LIMD1: variants seen among roughly 807,000 people sequenced by gnomAD.
LIMD1 encodes LIM domain containing 1.
A neutral mutation model predicts 58.4 loss-of-function variants in LIMD1; 23 were observed. The observed-to-expected ratio is 0.39, with a 90% confidence interval of 0.28 to 0.56. The LOEUF (loss-of-function observed/expected upper bound fraction) is 0.56. Ranked by LOEUF, LIMD1 falls within the 20% of genes least tolerant of loss-of-function variation. LIMD1 has a pLI of 0.57. For missense variants in LIMD1, 838 were observed against 855.5 expected, an observed-to-expected ratio of 0.98 and a Z score of 0.25; for synonymous variants, 334 against 345.5, an observed-to-expected ratio of 0.97 and a Z score of 0.37.
intron 2 of LIMD1, among the ~76,000 whole-genome samples, chr3:45,641,256 C>A (rs1701839458): frequency 6.6e-6 from 1 of 152,168 alleles, no homozygotes; most frequent in Admixed American, 6.5e-5. Context: ...CCTCTTGAAT[C>A]TATGCTCACC....
At chr3:45,617,248 T>C (rs1389145875) in intron 1 of LIMD1, among the ~76,000 whole-genome samples, 2 of 151,636 alleles carry the variant, frequency 1.3e-5, no homozygotes, top group Admixed American at 1.3e-4. Context: ...GGTTTCACCA[T>C]GTTGGCCAGG....
chr3:45,644,600 A>G (rs774450087), intron 2 of LIMD1, among the ~76,000 whole-genome samples: 6 of 152,214 alleles, frequency 3.9e-5, no homozygotes, highest in Non-Finnish European at 7.3e-5. Context: ...TAAGATGTAC[A>G]GATTGAGGCT....
intron 2 of LIMD1, among the ~76,000 whole-genome samples, chr3:45,652,127 A>G (rs538502543): frequency 8.1e-4 from 123 of 151,940 alleles, no homozygotes; most frequent in Middle Eastern, 6.9e-3. Flanking sequence ...GAGTTTTACT[A>G]TGTTGGCCAG....
At chr3:45,612,548 C>T (rs1249219773) in intron 1 of LIMD1, among the ~76,000 whole-genome samples, 1 of 152,154 alleles carries the variant, frequency 6.6e-6, no homozygotes, top group Non-Finnish European at 1.5e-5. Context: ...TTTCAAAATG[C>T]TGTATTTGCA....
chr3:45,633,387 GTC>G (rs563141210), intron 1 of LIMD1, among the ~76,000 whole-genome samples: 147 of 152,224 alleles, frequency 9.7e-4, no homozygotes, highest in African/African-American at 3.4e-3. Context: ...CACTTTTTGT[GTC>G]TGTTTGTGAA....
At chr3:45,663,060 G>T (rs1274466586) in intron 2 of LIMD1, among the ~76,000 whole-genome samples, 1 of 151,708 alleles carries the variant, frequency 6.6e-6, no homozygotes, top group Non-Finnish European at 1.5e-5. Flanking sequence ...TACGATCATT[G>T]GTATATCTTC....
intron 1 of LIMD1, among the ~76,000 whole-genome samples, chr3:45,606,855 C>T (rs1701472405): frequency 6.6e-6 from 1 of 152,180 alleles, no homozygotes; most frequent in Non-Finnish European, 1.5e-5. Context: ...AGTGCAGTGG[C>T]AATATCTCAG....
At chr3:45,619,601 C>T (rs891794467) in intron 1 of LIMD1, among the ~76,000 whole-genome samples, 6 of 152,076 alleles carry the variant, frequency 3.9e-5, no homozygotes, top group African/African-American at 1.4e-4. Flanking sequence ...GAGTCTGAGA[C>T]CAGCCTGGCC....
intron 2 of LIMD1, among the ~76,000 whole-genome samples, chr3:45,660,280 C>T (rs1042261425): frequency 6.6e-6 from 1 of 151,892 alleles, no homozygotes; most frequent in Admixed American, 6.6e-5. Flanking sequence ...GTTTACCCTG[C>T]GGGAATTCCG....
chr3:45,650,528 C>T (rs1401534346), intron 2 of LIMD1, among the ~76,000 whole-genome samples: 1 of 144,756 alleles, frequency 6.9e-6, no homozygotes, highest in African/African-American at 2.6e-5. Flanking sequence ...GTGATGTCCC[C>T]TCCCTGTGTC....
intron 6 of LIMD1, 143 bp from the exon 7 acceptor site, chr3:45,674,200 G>A: frequency 1.7e-6 from 1 of 603,982 alleles, no homozygotes; most frequent in Non-Finnish European, 3.1e-6. Flanking sequence ...CTTCCAGTAA[G>A]TACTCCTGAT....
At chr3:45,639,487 G>C (rs1701820850) in intron 2 of LIMD1, among the ~76,000 whole-genome samples, 1 of 152,116 alleles carries the variant, frequency 6.6e-6, no homozygotes, top group African/African-American at 2.4e-5. Context: ...CCAAGATCAA[G>C]GTGCTGGCAG....
intron 1 of LIMD1, chr3:45,632,497 A>G (rs9865354): frequency 0.09 from 88,290 of 984,356 alleles, 4,202 homozygotes; most frequent in East Asian, 0.15. Context: ...TGGGCCTTGG[A>G]ATGAAGTGCT....
chr3:45,652,013 G>A lies in LIMD1; in HGVS notation c.1511-13637G>A, dbSNP rs139902793. ...GTGATCTCGGCTCACTGCAACCTCC[G>A]CCTCCCAGGTTCCAGCGATTCTCAC... On this transcript the variant is annotated intron_variant, in intron 2 of 7. Coordinates refer to ENST00000273317, the MANE Select transcript of LIMD1 (RefSeq NM_014240.3). Among the ~76,000 whole-genome samples the A allele has an allele frequency of 5.9e-3, 878 of 149,448 alleles. 7 individuals are homozygous for A. The highest frequency in any genetic ancestry group is 0.02 in the African/African-American group (821 of 40,494).
At chr3:45,597,074 A>G (rs1267540420) in intron 1 of LIMD1, among the ~76,000 whole-genome samples, 1 of 151,456 alleles carries the variant, frequency 6.6e-6, no homozygotes, top group East Asian at 1.9e-4. Context: ...GCTAGCCAGG[A>G]TGTTCTCAAT....
At chr3:45,627,993 G>A (rs889135987) in intron 1 of LIMD1, among the ~76,000 whole-genome samples, 3 of 121,292 alleles carry the variant, frequency 2.5e-5, no homozygotes, top group Admixed American at 9.0e-5. Flanking sequence ...GGGTGACAGA[G>A]TGAGACCCCA....
At chr3:45,657,757 C>T (rs9850601) in intron 2 of LIMD1, among the ~76,000 whole-genome samples, 3,507 of 152,170 alleles carry the variant, frequency 0.023, 136 homozygotes, top group African/African-American at 0.078. Context: ...GAAATGAAAA[C>T]GATAATGTGT....
At chr3:45,597,106 C>T (rs1001584721) in intron 1 of LIMD1, among the ~76,000 whole-genome samples, 1 of 152,090 alleles carries the variant, frequency 6.6e-6, no homozygotes, top group Admixed American at 6.5e-5. Flanking sequence ...GTGATCCGCC[C>T]GCCTTGGCCT....
At chr3:45,623,124 A>G (rs1006939475) in intron 1 of LIMD1, among the ~76,000 whole-genome samples, 10 of 152,220 alleles carry the variant, frequency 6.6e-5, no homozygotes, top group African/African-American at 2.4e-4. Context: ...GTTAGTGACA[A>G]GTGGCATCCC....
Sources: gnomAD v4.1 joint callset for allele counts (sites outside exome capture counted in the v4.1 genomes callset) on GRCh38, gnomAD v4.1.1 for gene constraint, MANE v1.5 for transcripts, NCBI Gene and HGNC (gene_info 2026-07-23, HGNC 2026-07-21) for gene names.